RGS6: variants seen among roughly 807,000 people sequenced by gnomAD.
The protein encoded by RGS6 is regulator of G-protein signaling 6.
RGS6 carries 30 observed loss-of-function variants against 78.5 expected under a neutral mutation model. That is an observed-to-expected ratio of 0.38 (90% CI 0.29 to 0.52). The LOEUF (loss-of-function observed/expected upper bound fraction) is 0.52, where lower values mean the gene tolerates loss of function less well. Among genes scored for constraint, RGS6 ranks in the 20% least tolerant of loss-of-function variants. The pLI is 0.85. For synonymous variants in RGS6, 206 were observed against 206.0 expected (o/e 1.00, Z 0.00); for missense variants, 495 against 609.7 (o/e 0.81, Z 1.98).
At chr14:72,250,175 A>G (rs1309840432) in intron 2 of RGS6, among the ~76,000 whole-genome samples, 4 of 151,564 alleles carry the variant, frequency 2.6e-5, no homozygotes, top group African/African-American at 7.3e-5. Context: ...CACCAGCATG[A>G]CACATGTATA....
chr14:72,529,907 C>T (rs1020795011), intron 15 of RGS6, among the ~76,000 whole-genome samples: 2 of 152,154 alleles, frequency 1.3e-5, no homozygotes, highest in East Asian at 1.9e-4. Flanking sequence ...CATTAGAGGC[C>T]GATTTGTCTT....
chr14:72,628,872 G>T, the RGS6 span, among the ~76,000 whole-genome samples: 4 of 152,188 alleles, frequency 2.6e-5, no homozygotes, highest in Non-Finnish European at 5.9e-5. Context: ...AAGGGAGGAA[G>T]AAAGAGAATA....
At chr14:72,333,551 G>T (rs1011206146) in intron 2 of RGS6, among the ~76,000 whole-genome samples, 1 of 152,172 alleles carries the variant, frequency 6.6e-6, no homozygotes, top group Non-Finnish European at 1.5e-5. Context: ...GTATTTACTC[G>T]GTTGGCACTT....
At chr14:72,302,726 G>A (rs369006859) in intron 2 of RGS6, among the ~76,000 whole-genome samples, 3 of 152,004 alleles carry the variant, frequency 2.0e-5, no homozygotes, top group African/African-American at 7.2e-5. Flanking sequence ...CACACAGTGT[G>A]TTAACTCAGT....
At chr14:72,179,764 A>C (rs2097150860) in intron 2 of RGS6, among the ~76,000 whole-genome samples, 1 of 150,866 alleles carries the variant, frequency 6.6e-6, no homozygotes, top group African/African-American at 2.4e-5. Context: ...TGGTCCCAAA[A>C]CCAGTGGGAT....
intron 2 of RGS6, among the ~76,000 whole-genome samples, chr14:72,342,780 T>C (rs1306130995): frequency 1.5e-5 from 2 of 134,804 alleles, no homozygotes; most frequent in South Asian, 2.8e-4. Flanking sequence ...AAGCCACCCA[T>C]CTAATTGGTC....
intron 2 of RGS6, among the ~76,000 whole-genome samples, chr14:72,332,834 C>A (rs913204258): frequency 1.1e-4 from 17 of 152,126 alleles, no homozygotes; most frequent in African/African-American, 3.9e-4. Context: ...GGAGATGGGA[C>A]CTGCATATAT....
intron 12 of RGS6, among the ~76,000 whole-genome samples, chr14:72,486,688 CCTT>C (rs1168606027): frequency 1.3e-5 from 2 of 152,158 alleles, no homozygotes; most frequent in African/African-American, 4.8e-5. Flanking sequence ...AACCCAAAAG[CCTT>C]TTAACTCTCT....
At chr14:71,873,858 A>T in the RGS6 span, among the ~76,000 whole-genome samples, 12 of 152,180 alleles carry the variant, frequency 7.9e-5, no homozygotes, top group Non-Finnish European at 1.6e-4. Flanking sequence ...CTTTCTACAT[A>T]TGGCTAGCCA....
chr14:72,610,643 G>T, the RGS6 span, among the ~76,000 whole-genome samples: 1 of 152,232 alleles, frequency 6.6e-6, no homozygotes, highest in Non-Finnish European at 1.5e-5. Flanking sequence ...GTGTGACGTA[G>T]ACAGCACAGC....
chr14:71,918,146 A>T, the RGS6 span, among the ~76,000 whole-genome samples: 8 of 125,504 alleles, frequency 6.4e-5, no homozygotes, highest in Non-Finnish European at 1.1e-4. Context: ...GTGCCACTGC[A>T]CTCCAGCCTG....
intron 3 of RGS6, among the ~76,000 whole-genome samples, chr14:72,417,696 A>G (rs2093921788): frequency 1.3e-5 from 2 of 152,198 alleles, no homozygotes; most frequent in Non-Finnish European, 2.9e-5. Flanking sequence ...CACCTACAAA[A>G]TATGCATAAA....
intron 2 of RGS6, among the ~76,000 whole-genome samples, chr14:72,080,160 C>T (rs1284041023): frequency 1.3e-5 from 2 of 152,072 alleles, no homozygotes; most frequent in African/African-American, 4.8e-5. Flanking sequence ...GAGCAGTGTA[C>T]AAAGATTCCC....
At chr14:72,289,020 T>G (rs775949575) in intron 2 of RGS6, among the ~76,000 whole-genome samples, 1 of 152,136 alleles carries the variant, frequency 6.6e-6, no homozygotes, top group African/African-American at 2.4e-5. Flanking sequence ...AACCCAAATT[T>G]AGAAATGAGA....
At chr14:72,349,459 G>C (rs1002971203) in intron 2 of RGS6, among the ~76,000 whole-genome samples, 12 of 152,158 alleles carry the variant, frequency 7.9e-5, no homozygotes, top group Admixed American at 6.5e-4. Context: ...GGAAAAGGTA[G>C]ACACTGCTCA....
At chr14:72,427,456 C>T (rs1463787858) in intron 3 of RGS6, among the ~76,000 whole-genome samples, 1 of 152,200 alleles carries the variant, frequency 6.6e-6, no homozygotes, top group Non-Finnish European at 1.5e-5. Flanking sequence ...TCCTAATTAG[C>T]CTACCCTAAC....
intron 4 of RGS6, among the ~76,000 whole-genome samples, chr14:72,456,806 G>A (rs568013889): frequency 6.6e-6 from 1 of 152,022 alleles, no homozygotes; most frequent in African/African-American, 2.4e-5. Flanking sequence ...GGCCAGACAT[G>A]GTAGCTCATG....
Position 72,354,747 on chromosome 14 carries a change from G to T in RGS6, c.184+2553G>T, listed in dbSNP as rs553465927. 1.1e-3 allele frequency among the ~76,000 whole-genome samples: 167 copies of T among 152,226 alleles called. 1 individual carries two copies. The highest frequency in any genetic ancestry group is 6.8e-3 in the Middle Eastern group (2 of 292). ...GGACTCCTAATGCCATCATGTTGGG[G>T]ATTAGATTTCAATATATGAATTTGG... On this transcript the variant is annotated intron_variant, in intron 3 of 17. Coordinates refer to ENST00000553525, the MANE Select transcript of RGS6 (RefSeq NM_001204424.2).
At chr14:72,557,811 T>C (rs991079885) in intron 17 of RGS6, among the ~76,000 whole-genome samples, 3 of 152,170 alleles carry the variant, frequency 2.0e-5, no homozygotes, top group African/African-American at 7.2e-5. Context: ...GAAATAGTGT[T>C]CCACATTAGT....
Sources: allele counts gnomAD v4.1 joint callset (sites outside exome capture counted in the v4.1 genomes callset), GRCh38; gene constraint gnomAD v4.1.1; transcripts MANE v1.5; gene names NCBI Gene and HGNC (gene_info 2026-07-23, HGNC 2026-07-21).